Variants in SLC7A6 observed in about 807,000 individuals in gnomAD.
SLC7A6 encodes the protein solute carrier family 7 member 6, also known as Y+L amino acid transporter 2.
A neutral mutation model predicts 46.6 loss-of-function variants in SLC7A6; 29 were observed. That is an observed-to-expected ratio of 0.62 (90% confidence interval 0.46 to 0.85). The LOEUF (loss-of-function observed/expected upper bound fraction) is 0.85, where lower values mean the gene tolerates loss of function less well. Among genes scored for constraint, SLC7A6 ranks in the 40% least tolerant of loss-of-function variants. The probability of loss-of-function intolerance (pLI) is 0.00; values close to 1 mark genes in which losing one functional copy is unlikely to be tolerated. For missense variants in SLC7A6, 527 were observed against 647.6 expected, an observed-to-expected ratio of 0.81 and a Z score of 2.02; for synonymous variants, 276 against 257.3, an observed-to-expected ratio of 1.07 and a Z score of -0.70.
In SLC7A6 at chr16:68,301,112, A is replaced by C; in HGVS notation, c.*3784A>C. ...AGTGGAAAAGACTCACTCCCCTAAC[A>C]TAAGTTTTCACTGTGGTGGGATGGT... On this transcript the variant is annotated 3_prime_UTR_variant, in exon 11 of 11. Transcript: ENST00000219343. 2 of 1,358,284 alleles carry C rather than the reference A, an allele frequency of 1.5e-6. No homozygotes were observed. Among genetic ancestry groups the C allele is most frequent in the African/African-American group, 1.5e-5 (1 of 67,934 alleles). The allele number at this position is 1,358,284 out of a possible 1,614,324, so 84.1% of individuals were successfully genotyped here.
chr16:68,276,425 G>A (rs1236053121), intron 3 of SLC7A6, among the ~76,000 whole-genome samples: 1 of 152,132 alleles, frequency 6.6e-6, no homozygotes, highest in Admixed American at 6.5e-5. Flanking sequence ...CAAAAGCATT[G>A]GCAGTATATG....
Position 68,299,370 on chromosome 16 carries a change from C to T in SLC7A6, c.*2042C>T, listed in dbSNP as rs2043229209. 6.6e-6 allele frequency: 1 copy of T among 152,618 alleles called. No homozygotes were observed. The highest frequency in any genetic ancestry group is 2.1e-4 in the South Asian group (1 of 4,838). The allele number at this position is 152,618 out of a possible 1,614,324, so 9.5% of individuals were successfully genotyped here. On this transcript the variant is annotated 3_prime_UTR_variant, in exon 11 of 11. Coordinates refer to ENST00000219343, the MANE Select transcript of SLC7A6 (RefSeq NM_003983.6). ...CACATGCCAGGTGCCCTAGTACTTG[C>T]TTAGTGAGCCATGTCATCCTCCTTT...
chr16:68,270,543 T>C (rs2042608202), intron 2 of SLC7A6, among the ~76,000 whole-genome samples: 1 of 152,196 alleles, frequency 6.6e-6, no homozygotes, highest in Admixed American at 6.5e-5. Context: ...CTGAGGTCTA[T>C]GGAAAAAACC....
chr16:68,274,653 C>A, intron 2 of SLC7A6, 38 bp from the exon 3 acceptor site: 1 of 1,556,066 alleles, frequency 6.4e-7, no homozygotes, highest in Non-Finnish European at 8.7e-7. Flanking sequence ...GCCTCACCAG[C>A]TCCTGCCCTA....
chr16:68,286,441 C>T (rs1280283554), intron 3 of SLC7A6, among the ~76,000 whole-genome samples: 1 of 151,898 alleles, frequency 6.6e-6, no homozygotes, highest in Non-Finnish European at 1.5e-5. Context: ...GTGTACGGTA[C>T]GAGTAAGAGA....
intron 4 of SLC7A6, among the ~76,000 whole-genome samples, chr16:68,289,936 A>G (rs2043014023): frequency 1.3e-5 from 2 of 152,246 alleles, no homozygotes; most frequent in African/African-American, 4.8e-5. Flanking sequence ...ACAGGAAGGT[A>G]TAATTTTCAA....
At chr16:68,291,480 A>G (rs1407498303) in intron 6 of SLC7A6, 78 bp from the exon 7 acceptor site, 2 of 1,582,920 alleles carry the variant, frequency 1.3e-6, no homozygotes, top group Non-Finnish European at 8.7e-7. Context: ...CAGTGATTGC[A>G]TTTGTTCCGA....
At chr16:68,284,268 ATCT>A (rs1443797087) in intron 3 of SLC7A6, 7 of 152,190 alleles carry the variant, frequency 4.6e-5, no homozygotes, top group African/African-American at 1.4e-4. Context: ...GGCCATGCTA[ATCT>A]TCTTTGCGTC....
At chr16:68,294,153 G>C (rs1046996883) in intron 7 of SLC7A6, among the ~76,000 whole-genome samples, 7 of 152,104 alleles carry the variant, frequency 4.6e-5, no homozygotes, top group African/African-American at 1.2e-4. Context: ...CTCGGCTTCC[G>C]AAAGTGCTGG....
intron 7 of SLC7A6, 120 bp downstream of exon 7, chr16:68,291,781 G>C: frequency 1.4e-6 from 1 of 719,058 alleles, no homozygotes; most frequent in South Asian, 1.7e-5. Flanking sequence ...GTGTGTGTGT[G>C]TGTGTGTGTG....
chr16:68,268,579 T>G (rs188751050), intron 2 of SLC7A6, among the ~76,000 whole-genome samples: 1 of 152,370 alleles, frequency 6.6e-6, no homozygotes, highest in African/African-American at 2.4e-5. Flanking sequence ...GTAATTGAAT[T>G]GTGATAAATT....
rs2043025207 is a variant in SLC7A6 at position 68,290,420 on chromosome 16, C to T, written c.674C>T (p.Ala225Val). Residue 225 changes from alanine (A) to valine (V), a missense_variant, in exon 5 of 11, where the codon GCC becomes GTC. Physicochemically the swap from Ala to Val is moderately conservative, Grantham distance 64. Transcript: ENST00000219343. ...CQGHSEHFQD[A>V]FEGSSWDMGN... ...GGACACTCTGAGCACTTTCAGGACG[C>T]CTTTGAGGGTTCCTCCTGGGACATG... 4 of 1,614,154 alleles carry T rather than the reference C, an allele frequency of 2.5e-6. No individual in the cohort carries two copies. Among genetic ancestry groups the T allele is most frequent in the Non-Finnish European group, 3.4e-6 (4 of 1,180,030 alleles).
chr16:68,294,675 A>T, intron 7 of SLC7A6, 30 bp from the exon 8 acceptor site: 1 of 1,480,010 alleles, frequency 6.8e-7, no homozygotes, highest in Non-Finnish European at 9.5e-7. Context: ...GGAGTAAAGG[A>T]TCCTGCTGAC....
At chr16:68,280,548 C>T (rs1218951627) in intron 3 of SLC7A6, among the ~76,000 whole-genome samples, 3 of 151,808 alleles carry the variant, frequency 2.0e-5, no homozygotes, top group Non-Finnish European at 4.4e-5. Flanking sequence ...AATTCCTGCC[C>T]GATAAAATAA....
intron 3 of SLC7A6, among the ~76,000 whole-genome samples, chr16:68,276,516 C>T (rs1596977751): frequency 6.6e-6 from 1 of 152,112 alleles, no homozygotes; most frequent in Non-Finnish European, 1.5e-5. Flanking sequence ...TGCCTCTTGA[C>T]TTTATGGAAT....
At chr16:68,288,079 G>C (rs1322419813) in intron 4 of SLC7A6, among the ~76,000 whole-genome samples, 1 of 152,202 alleles carries the variant, frequency 6.6e-6, no homozygotes, top group African/African-American at 2.4e-5. Flanking sequence ...GTCCCTCAGG[G>C]CTGGTTTCCT....
intron 2 of SLC7A6, among the ~76,000 whole-genome samples, chr16:68,272,392 G>C (rs2042637500): frequency 2.0e-5 from 3 of 152,164 alleles, no homozygotes; most frequent in Admixed American, 2.0e-4. Context: ...TTGCATGATT[G>C]CACTCCAGCC....
At chr16:68,296,983 G>T (rs976342019) in intron 10 of SLC7A6, among the ~76,000 whole-genome samples, 173 bp downstream of exon 10, 1 of 152,134 alleles carries the variant, frequency 6.6e-6, no homozygotes, top group Non-Finnish European at 1.5e-5. Flanking sequence ...TAATTTTAGT[G>T]TCCTATTTTG....
intron 2 of SLC7A6, among the ~76,000 whole-genome samples, chr16:68,269,294 G>A (rs2042585402): frequency 6.6e-6 from 1 of 152,206 alleles, no homozygotes; most frequent in Admixed American, 6.5e-5. Context: ...ATAGTGGGTT[G>A]TTTTTCTTGC....
Sources: gnomAD v4.1 joint callset for allele counts (sites outside exome capture counted in the v4.1 genomes callset) on GRCh38, gnomAD v4.1.1 for gene constraint, MANE v1.5 for transcripts, NCBI Gene and HGNC (gene_info 2026-07-23, HGNC 2026-07-21) for gene names.